Variants in GRIK2 observed in about 807,000 individuals in gnomAD.
The protein encoded by GRIK2 is glutamate ionotropic receptor kainate type subunit 2, also known as glutamate receptor ionotropic, kainate 2.
GRIK2 carries 32 observed loss-of-function variants against 100.3 expected under a neutral mutation model. The ratio of observed to expected loss-of-function variants is 0.32; its 90% CI spans 0.24 to 0.43. GRIK2 has a LOEUF of 0.43. GRIK2 is among the 20% of genes least tolerant of loss of function. The probability of loss-of-function intolerance (pLI) is 1.00; values close to 1 mark genes in which losing one functional copy is unlikely to be tolerated. For synonymous variants in GRIK2, 417 were observed against 389.4 expected (o/e 1.07, Z -0.83); for missense variants, 843 against 1,114.9 (o/e 0.76, Z 3.47).
intron 6 of GRIK2, 102 bp from the exon 7 acceptor site, chr6:101,686,078 G>A (rs773916919): frequency 1.1e-5 from 8 of 727,874 alleles, no homozygotes; most frequent in South Asian, 1.9e-5. Flanking sequence ...ACACAAAGGT[G>A]TTAAGTGACC....
At chr6:101,616,592 G>A (rs1319742621) in intron 2 of GRIK2, among the ~76,000 whole-genome samples, 3 of 151,668 alleles carry the variant, frequency 2.0e-5, no homozygotes, top group African/African-American at 7.2e-5. Flanking sequence ...GAATCATTGT[G>A]TTCTTATAAA....
chr6:101,594,359 T>TA (rs2128307765), intron 2 of GRIK2, among the ~76,000 whole-genome samples: 1 of 151,896 alleles, frequency 6.6e-6, no homozygotes, highest in East Asian at 1.9e-4. Flanking sequence ...CAAGACACAA[T>TA]AATGAATAAA....
At chr6:101,738,755 T>C (rs1218098547) in intron 7 of GRIK2, among the ~76,000 whole-genome samples, 3 of 152,210 alleles carry the variant, frequency 2.0e-5, no homozygotes, top group African/African-American at 7.2e-5. Context: ...GACATCCCTG[T>C]TCTCTACCTA....
intron 14 of GRIK2, among the ~76,000 whole-genome samples, chr6:102,030,480 G>GATGT (rs1419469689): frequency 6.7e-6 from 1 of 150,002 alleles, no homozygotes; most frequent in Non-Finnish European, 1.5e-5. Context: ...AATCCACTTT[G>GATGT]ATGTGACTTC....
At chr6:101,789,294 TG>T (rs1197217605) in intron 7 of GRIK2, among the ~76,000 whole-genome samples, 13 of 152,238 alleles carry the variant, frequency 8.5e-5, no homozygotes, top group African/African-American at 3.1e-4. Flanking sequence ...GCCTATGTCC[TG>T]AATGGCAATG....
chr6:102,051,357 C>G (rs1267198191), intron 15 of GRIK2, among the ~76,000 whole-genome samples: 1 of 141,032 alleles, frequency 7.1e-6, no homozygotes, highest in Non-Finnish European at 1.5e-5. Context: ...TAAAAGGGAT[C>G]TTTTGGCAAC....
intron 2 of GRIK2, among the ~76,000 whole-genome samples, chr6:101,575,437 G>A (rs964936351): frequency 6.6e-6 from 1 of 151,948 alleles, no homozygotes; most frequent in Non-Finnish European, 1.5e-5. Flanking sequence ...CATAAAGTCT[G>A]TAACATTTAT....
chr6:101,918,944 T>G (rs1258488783), intron 12 of GRIK2, among the ~76,000 whole-genome samples: 2 of 151,546 alleles, frequency 1.3e-5, no homozygotes, highest in African/African-American at 4.8e-5. Context: ...AAGCAAACAC[T>G]ATGGAATTTC....
chr6:101,789,515 T>C (rs1779682068), intron 7 of GRIK2, among the ~76,000 whole-genome samples: 2 of 152,222 alleles, frequency 1.3e-5, no homozygotes, highest in African/African-American at 4.8e-5. Flanking sequence ...CAGATAGTTG[T>C]AGATACATGG....
intron 11 of GRIK2, among the ~76,000 whole-genome samples, chr6:101,865,142 G>C (rs1784970623): frequency 6.6e-6 from 1 of 152,196 alleles, no homozygotes; most frequent in Non-Finnish European, 1.5e-5. Context: ...AAACCGGAAT[G>C]AGAAAGAAAT....
chr6:101,957,508 C>G (rs1242023348), intron 14 of GRIK2, among the ~76,000 whole-genome samples: 1 of 151,278 alleles, frequency 6.6e-6, no homozygotes, highest in African/African-American at 2.4e-5. Flanking sequence ...TTATTTTTTA[C>G]TGTGCAGACA....
chr6:101,604,098 C>T (rs1465133196), intron 2 of GRIK2, among the ~76,000 whole-genome samples: 3 of 151,344 alleles, frequency 2.0e-5, no homozygotes, highest in African/African-American at 4.8e-5. Flanking sequence ...TAGCACTGTA[C>T]TAAAATTAAA....
chr6:101,512,831 A>G (rs1357279054), intron 2 of GRIK2, among the ~76,000 whole-genome samples: 1 of 151,956 alleles, frequency 6.6e-6, no homozygotes, highest in Non-Finnish European at 1.5e-5. Context: ...CACTCCTTTA[A>G]TAACATTGTC....
chr6:101,799,510 G>A, intron 7 of GRIK2, 138 bp from the exon 8 acceptor site: 1 of 649,066 alleles, frequency 1.5e-6, no homozygotes, highest in Non-Finnish European at 2.8e-6. Context: ...GCATGTTAGA[G>A]ATAACGTTTT....
intron 10 of GRIK2, 58 bp downstream of exon 10, chr6:101,818,541 A>G: frequency 2.2e-6 from 2 of 900,326 alleles, no homozygotes; most frequent in Non-Finnish European, 3.7e-6. Flanking sequence ...AGAAGTGCAT[A>G]GAAAAGGACA....
chr6:101,648,899 A>G (rs978305520), intron 4 of GRIK2, among the ~76,000 whole-genome samples: 47 of 152,082 alleles, frequency 3.1e-4, no homozygotes, highest in African/African-American at 1.1e-3. Flanking sequence ...AAGGAAAGAC[A>G]TGTCTTACAT....
At chr6:101,404,270 C>G (rs1775486615) in intron 2 of GRIK2, among the ~76,000 whole-genome samples, 1 of 152,174 alleles carries the variant, frequency 6.6e-6, no homozygotes, top group East Asian at 1.9e-4. Flanking sequence ...TCCTCTCACA[C>G]GAAGAAGGAA....
chr6:101,812,526 G>A (rs1341234368), intron 9 of GRIK2, among the ~76,000 whole-genome samples: 3 of 129,874 alleles, frequency 2.3e-5, no homozygotes, highest in Admixed American at 7.3e-5. Context: ...TAAATAAAAC[G>A]TTTATTGGTT....
chr6:101,864,673 T>C (rs1389029558), intron 11 of GRIK2, among the ~76,000 whole-genome samples: 1 of 152,128 alleles, frequency 6.6e-6, no homozygotes, highest in Non-Finnish European at 1.5e-5. Context: ...ATTATTATGG[T>C]TAATGTATCC....
Sources: gnomAD v4.1 joint callset for allele counts (sites outside exome capture counted in the v4.1 genomes callset) on GRCh38, gnomAD v4.1.1 for gene constraint, MANE v1.5 for transcripts, NCBI Gene and HGNC (gene_info 2026-07-23, HGNC 2026-07-21) for gene names.